Variants in SPEF2 observed in about 807,000 individuals in gnomAD.
SPEF2 encodes the protein sperm flagellar and cilia associated 2.
SPEF2 carries 187 observed loss-of-function variants against 224.6 expected under a neutral mutation model. The ratio of observed to expected loss-of-function variants is 0.83; its 90% CI spans 0.74 to 0.94. The LOEUF is 0.94. SPEF2 is among the 40% of genes least tolerant of loss of function. The pLI, the probability that SPEF2 is intolerant of heterozygous loss-of-function variation, is 0.00. For missense variants in SPEF2, 2,170 were observed against 2,135.6 expected (o/e 1.02, Z -0.32); for synonymous variants, 715 against 707.3 (o/e 1.01, Z -0.17).
chr5:35,811,616 T>TG (rs201912205), intron 36 of SPEF2, among the ~76,000 whole-genome samples: 3,150 of 148,286 alleles, frequency 0.021, 121 homozygotes, highest in African/African-American at 0.066. Context: ...CACCTCATGG[T>TG]GGGGGGGGTG....
At chr5:35,785,830 T>G (rs897198493) in intron 30 of SPEF2, among the ~76,000 whole-genome samples, 1 of 151,788 alleles carries the variant, frequency 6.6e-6, no homozygotes, top group Non-Finnish European at 1.5e-5. Flanking sequence ...GTGCTGAGAG[T>G]ACAGCCATGA....
At chr5:35,793,653 AATC>A (rs1756257252) in intron 32 of SPEF2, among the ~76,000 whole-genome samples, 1 of 152,108 alleles carries the variant, frequency 6.6e-6, no homozygotes, top group South Asian at 2.1e-4. Flanking sequence ...TGTACATTAG[AATC>A]ATCTGCAAAG....
At chr5:35,744,390 C>A (rs1748137204) in intron 23 of SPEF2, among the ~76,000 whole-genome samples, 1 of 152,136 alleles carries the variant, frequency 6.6e-6, no homozygotes, top group South Asian at 2.1e-4. Context: ...ATAACAAAAC[C>A]TCATTGCTTT....
intron 5 of SPEF2, among the ~76,000 whole-genome samples, chr5:35,647,861 C>A (rs1315328675): frequency 6.7e-6 from 1 of 148,934 alleles, no homozygotes; most frequent in South Asian, 2.2e-4. Context: ...TACTGGACCA[C>A]ACCAACTGTC....
At chr5:35,761,480 G>C (rs1751274039) in intron 25 of SPEF2, among the ~76,000 whole-genome samples, 1 of 152,058 alleles carries the variant, frequency 6.6e-6, no homozygotes, top group South Asian at 2.1e-4. Context: ...AAAAGAATTT[G>C]AGATGGCCTG....
chr5:35,764,472 T>C (rs1387350340), intron 26 of SPEF2: 1 of 428,042 alleles, frequency 2.3e-6, no homozygotes, highest in African/African-American at 2.0e-5. Flanking sequence ...CAAGCAGAAG[T>C]GCCACACCAT....
chr5:35,750,792 C>T (rs999279946), intron 23 of SPEF2, among the ~76,000 whole-genome samples: 3 of 151,446 alleles, frequency 2.0e-5, no homozygotes, highest in South Asian at 2.1e-4. Context: ...TGTGGAGATT[C>T]CTTTAAGAAC....
chr5:35,759,166 T>G (rs1190526986), intron 24 of SPEF2, among the ~76,000 whole-genome samples: 2 of 152,092 alleles, frequency 1.3e-5, no homozygotes, highest in Non-Finnish European at 2.9e-5. Flanking sequence ...TTTTTTGTTA[T>G]CTCTCAAATC....
At chr5:35,725,407 A>G (rs11954310) in intron 20 of SPEF2, among the ~76,000 whole-genome samples, 38,232 of 152,102 alleles carry the variant, frequency 0.25, 5,163 homozygotes, top group African/African-American at 0.35. Flanking sequence ...GGTAAAAATA[A>G]TGCCTTTCTT....
chr5:35,677,285 G>C (rs1752161114), intron 10 of SPEF2, among the ~76,000 whole-genome samples: 1 of 152,068 alleles, frequency 6.6e-6, no homozygotes, highest in Non-Finnish European at 1.5e-5. Context: ...GTAAGACCAT[G>C]GAAATTACTA....
intron 29 of SPEF2, 125 bp downstream of exon 29, chr5:35,776,520 A>C (rs1211542812): frequency 2.3e-5 from 22 of 961,534 alleles, no homozygotes; most frequent in Non-Finnish European, 3.2e-5. Context: ...CTTTTAGGAA[A>C]TCACGTGTAT....
intron 23 of SPEF2, among the ~76,000 whole-genome samples, chr5:35,744,067 T>G (rs1413755561): frequency 1.3e-5 from 2 of 152,218 alleles, no homozygotes; most frequent in Admixed American, 6.5e-5. Context: ...CTACCTGATA[T>G]CAATACCATA....
chr5:35,737,229 A>G (rs534486843), intron 21 of SPEF2, among the ~76,000 whole-genome samples: 30 of 151,918 alleles, frequency 2.0e-4, no homozygotes, highest in Middle Eastern at 3.4e-3. Context: ...TTTTTTTATT[A>G]TACTTTTAAG....
intron 14 of SPEF2, among the ~76,000 whole-genome samples, chr5:35,696,468 A>G (rs537939440): frequency 6.2e-4 from 94 of 152,326 alleles, no homozygotes; most frequent in Middle Eastern, 3.4e-3. Context: ...GGGACTTACA[A>G]TTTTTACTCT....
At chr5:35,742,071 A>G (rs1747739052) in intron 23 of SPEF2, among the ~76,000 whole-genome samples, 1 of 152,246 alleles carries the variant, frequency 6.6e-6, no homozygotes, top group South Asian at 2.1e-4. Context: ...AAAATTTGAT[A>G]GCAAAATATG....
chr5:35,780,892 G>T (rs538179058), intron 30 of SPEF2, among the ~76,000 whole-genome samples: 29 of 152,154 alleles, frequency 1.9e-4, no homozygotes, highest in Non-Finnish European at 4.0e-4. Flanking sequence ...TTTCAGCAGG[G>T]ACCCTAGTAT....
At chr5:35,645,290 A>G (rs1215018949) in intron 4 of SPEF2, among the ~76,000 whole-genome samples, 7 of 152,160 alleles carry the variant, frequency 4.6e-5, no homozygotes, top group Non-Finnish European at 8.8e-5. Flanking sequence ...TTCTGAATGT[A>G]GTCAGCTCTT....
At chr5:35,803,396 G>A (rs1422883668) in intron 34 of SPEF2, among the ~76,000 whole-genome samples, 1 of 152,208 alleles carries the variant, frequency 6.6e-6, no homozygotes, top group East Asian at 1.9e-4. Context: ...TACCCGGGAA[G>A]CAGCTCTCCT....
At chr5:35,736,508 A>G (rs549625503) in intron 21 of SPEF2, among the ~76,000 whole-genome samples, 1 of 151,796 alleles carries the variant, frequency 6.6e-6, no homozygotes, top group Admixed American at 6.6e-5. Flanking sequence ...TGAAAGAGGA[A>G]CTGTCAAACA....
Sources: allele counts gnomAD v4.1 joint callset (sites outside exome capture counted in the v4.1 genomes callset), GRCh38; gene constraint gnomAD v4.1.1; transcripts MANE v1.5; gene names NCBI Gene and HGNC (gene_info 2026-07-23, HGNC 2026-07-21).